Variants in CREB5 observed in about 807,000 individuals in gnomAD.
The protein encoded by CREB5 is cAMP responsive element binding protein 5.
In CREB5, 19 loss-of-function variants were observed where a neutral mutation model predicts 57.1. That is an observed-to-expected ratio of 0.33 (90% CI 0.23 to 0.49). CREB5 has a LOEUF of 0.49. Among genes scored for constraint, CREB5 ranks in the 20% least tolerant of loss-of-function variants. The probability of loss-of-function intolerance (pLI) is 0.99; values close to 1 mark genes in which losing one functional copy is unlikely to be tolerated. For synonymous variants in CREB5, 238 were observed against 238.3 expected, an observed-to-expected ratio of 1.00 and a Z score of 0.01; for missense variants, 579 against 671.6, an observed-to-expected ratio of 0.86 and a Z score of 1.52.
intron 5 of CREB5, among the ~76,000 whole-genome samples, chr7:28,625,455 C>G (rs534826537): frequency 6.6e-6 from 1 of 152,288 alleles, no homozygotes; most frequent in South Asian, 2.1e-4. Context: ...AAAAAAAAGG[C>G]ATTCTACCCC....
rs186167582 is a variant in CREB5, at chr7:28,761,362, G to A, written c.702+37030G>A. ...TCCTCAACTGTAAATTGCGGGTGTC[G>A]GAGTGAAGGTCTCAAGATCCTTCTT... On this transcript the variant is annotated intron_variant, in intron 7 of 10. Coordinates refer to ENST00000357727, the MANE Select transcript of CREB5 (RefSeq NM_182898.4). Among the ~76,000 whole-genome samples the A allele has an allele frequency of 1.4e-4, 22 of 152,260 alleles. No homozygotes were observed. In the East Asian group the frequency reaches 2.7e-3, roughly 19 times the overall value.
chr7:28,499,573 A>G (rs1792191546), intron 3 of CREB5, among the ~76,000 whole-genome samples: 1 of 152,178 alleles, frequency 6.6e-6, no homozygotes, highest in Non-Finnish European at 1.5e-5. Flanking sequence ...AAAGACACAC[A>G]GAACCGTGTG....
intron 10 of CREB5, 140 bp downstream of exon 10, chr7:28,818,319 C>T (rs1308620726): frequency 1.6e-6 from 1 of 630,048 alleles, no homozygotes; most frequent in African/African-American, 1.8e-5. Context: ...GAGTGGCTTC[C>T]AGACTATTCT....
intron 5 of CREB5, among the ~76,000 whole-genome samples, chr7:28,668,520 A>G (rs984221380): frequency 6.6e-6 from 1 of 152,218 alleles, no homozygotes; most frequent in South Asian, 2.1e-4. Context: ...CCAATGAAAT[A>G]TATGTTTTCC....
At chr7:28,300,411 G>A (rs994955108) in intron 1 of CREB5, among the ~76,000 whole-genome samples, 11 of 152,174 alleles carry the variant, frequency 7.2e-5, no homozygotes, top group Non-Finnish European at 1.5e-4. Context: ...TCAACAGAGC[G>A]TATGTCCATC....
At chr7:28,741,039 T>A (rs1804301441) in intron 7 of CREB5, among the ~76,000 whole-genome samples, 1 of 151,784 alleles carries the variant, frequency 6.6e-6, no homozygotes, top group African/African-American at 2.4e-5. Flanking sequence ...AACTGATTTC[T>A]ACTTGACTAA....
chr7:28,611,685 T>TA (rs1797393098), intron 5 of CREB5, among the ~76,000 whole-genome samples: 1 of 144,964 alleles, frequency 6.9e-6, no homozygotes, highest in South Asian at 2.3e-4. Context: ...AATAAATAAA[T>TA]AAATAAATAA....
chr7:28,719,481 T>C (rs1245530584), intron 6 of CREB5, among the ~76,000 whole-genome samples: 2 of 152,226 alleles, frequency 1.3e-5, no homozygotes, highest in Non-Finnish European at 2.9e-5. Context: ...CTTGCTCAGC[T>C]GAGAAGCAGA....
intron 5 of CREB5, among the ~76,000 whole-genome samples, chr7:28,715,885 G>A (rs993070362): frequency 6.6e-6 from 1 of 152,044 alleles, no homozygotes; most frequent in Non-Finnish European, 1.5e-5. Context: ...TAATCCCAAG[G>A]GAACCTAGTA....
Position 28,435,147 on chromosome 7 carries a change from A to G in CREB5, c.3+22230A>G, listed in dbSNP as rs534024017. On this transcript the variant is annotated intron_variant, in intron 1 of 10. Coordinates refer to ENST00000357727, the MANE Select transcript of CREB5 (RefSeq NM_182898.4). ...ACCTATAACTAGCTGTGAGTTTTGGACACTTAAGTAACTGCATGCCACCTC... is the reference window on the plus strand; with the variant it reads ...ACCTATAACTAGCTGTGAGTTTTGGGCACTTAAGTAACTGCATGCCACCTC... Among the ~76,000 whole-genome samples the G allele has an allele frequency of 5.0e-5, 7 of 140,470 alleles. 1 individual carries two copies. The South Asian group carries it at 1.7e-3, about 34-fold the overall frequency. The allele number at this position is 140,470 out of a possible 152,430, so 92.2% of individuals were successfully genotyped here. A position where few individuals can be genotyped will look rare whatever the true frequency, so the allele number is the denominator to read the frequency against.
At chr7:28,694,433 C>T (rs1801434047) in intron 5 of CREB5, among the ~76,000 whole-genome samples, 1 of 148,608 alleles carries the variant, frequency 6.7e-6, no homozygotes, top group South Asian at 2.2e-4. Flanking sequence ...CATTTCCTTC[C>T]TCTGAGGGCA....
chr7:28,379,331 G>A (rs1044082754), intron 1 of CREB5, among the ~76,000 whole-genome samples: 25 of 152,132 alleles, frequency 1.6e-4, no homozygotes, highest in Admixed American at 6.5e-4. Context: ...AGCTAATTGC[G>A]CTCCCAAAGC....
In CREB5 at chr7:28,330,401, C is replaced by CCT. The variant is rs775917974; in HGVS notation, c.-25+30960_-25+30961insCT. Among the ~76,000 whole-genome samples the CCT allele has an allele frequency of 2.0e-3, 173 of 88,516 alleles. 3 individuals are homozygous for CCT. The highest frequency in any genetic ancestry group is 7.8e-3 in the African/African-American group (160 of 20,594). 58.1% of individuals were successfully genotyped at this position (88,516 alleles called of 152,430 possible). A position where few individuals can be genotyped will look rare whatever the true frequency, so the allele number is the denominator to read the frequency against. ...TTTAGCTTGTGCTAAGAGAACCTTACTTTTTTTTTTTTTTTTTTTTGCATA... is the reference window on the plus strand; with the variant it reads ...TTTAGCTTGTGCTAAGAGAACCTTACCTTTTTTTTTTTTTTTTTTTTTGCATA... On this transcript the variant is annotated intron_variant, in intron 1 of 9. Transcript: ENST00000396299.
intron 5 of CREB5, among the ~76,000 whole-genome samples, chr7:28,604,772 C>T (rs1797047084): frequency 1.3e-5 from 2 of 151,988 alleles, no homozygotes; most frequent in Admixed American, 1.3e-4. Flanking sequence ...ATAGCCCTAT[C>T]ATTGGGGCCA....
intron 1 of CREB5, among the ~76,000 whole-genome samples, chr7:28,331,562 T>C (rs1014611224): frequency 5.3e-5 from 8 of 152,126 alleles, no homozygotes; most frequent in Non-Finnish European, 4.4e-5. Context: ...CCTCTGTCCT[T>C]GTTCTTTTAC....
chr7:28,752,381 G>C lies in CREB5; in HGVS notation c.702+28049G>C, dbSNP rs529003079. On this transcript the variant is annotated intron_variant, in intron 7 of 10. Transcript: ENST00000357727. The stretch of plus-strand genomic sequence containing the variant: ...GGGGTTTCACCATGTTGGCCAGGCT[G>C]TTCTCAAACTCCTGACCTCAAGTGG... 2.0e-5 allele frequency among the ~76,000 whole-genome samples: 3 copies of C among 152,254 alleles called. No individual in the cohort carries two copies. In the East Asian group the frequency reaches 5.8e-4, roughly 29 times the overall value.
At chr7:28,535,116 C>T (rs1307986153) in intron 4 of CREB5, among the ~76,000 whole-genome samples, 6 of 142,096 alleles carry the variant, frequency 4.2e-5, no homozygotes, top group Admixed American at 3.5e-4. Flanking sequence ...GTCACCCCAT[C>T]TACACCGGCT....
At chr7:28,549,893 C>T (rs573538939) in intron 4 of CREB5, among the ~76,000 whole-genome samples, 2 of 152,308 alleles carry the variant, frequency 1.3e-5, no homozygotes, top group East Asian at 3.9e-4. Context: ...GCAGATGTCA[C>T]ATGAACTAAG....
At chr7:28,339,655 T>G (rs1224580222) in intron 1 of CREB5, among the ~76,000 whole-genome samples, 1 of 152,216 alleles carries the variant, frequency 6.6e-6, no homozygotes, top group Non-Finnish European at 1.5e-5. Flanking sequence ...CTATGTTCAC[T>G]CAAGGCCCTA....
Sources: gnomAD v4.1 joint callset for allele counts (sites outside exome capture counted in the v4.1 genomes callset) on GRCh38, gnomAD v4.1.1 for gene constraint, MANE v1.5 for transcripts, NCBI Gene and HGNC (gene_info 2026-07-23, HGNC 2026-07-21) for gene names.